Variants in IL12RB1 observed in about 807,000 individuals in gnomAD.
IL12RB1 encodes the protein interleukin 12 receptor subunit beta 1, also known as interleukin-12 receptor subunit beta-1.
IL12RB1 carries 64 observed loss-of-function variants against 94.4 expected under a neutral mutation model. The observed-to-expected ratio is 0.68, with a 90% CI of 0.55 to 0.83. The LOEUF is 0.83. IL12RB1 is among the 40% of genes least tolerant of loss of function. IL12RB1 has a pLI of 0.00. For missense variants in IL12RB1, 814 were observed against 855.6 expected, an observed-to-expected ratio of 0.95 and a Z score of 0.61; for synonymous variants, 362 against 355.5, an observed-to-expected ratio of 1.02 and a Z score of -0.21.
At chr19:18,076,123 C>A (rs17879704) in intron 6 of IL12RB1, among the ~76,000 whole-genome samples, 174 bp downstream of exon 6, 1 of 152,100 alleles carries the variant, frequency 6.6e-6, no homozygotes, top group Non-Finnish European at 1.5e-5. Context: ...CTTCTCACCC[C>A]CTCCAAGTCG....
intron 1 of IL12RB1, among the ~76,000 whole-genome samples, chr19:18,086,041 C>T (rs950153943): frequency 1.2e-4 from 18 of 152,006 alleles, no homozygotes; most frequent in African/African-American, 3.4e-4. Flanking sequence ...CACAGCGAGA[C>T]GCTGTCTCTG....
chr19:18,069,802 T>G, intron 9 of IL12RB1, 89 bp from the exon 10 acceptor site: 1 of 960,310 alleles, frequency 1.0e-6, no homozygotes, highest in East Asian at 2.4e-5. Flanking sequence ...TCTCCCACCC[T>G]CTCGTCTATA....
In IL12RB1 at chr19:18,082,143, T is replaced by A. The variant is rs752183216; in HGVS notation, c.239+7A>T. On this transcript the variant is annotated splice_region_variant and intron_variant, in intron 3 of 16. Transcript: ENST00000593993. ...TGAGGGTTTGGGAATGGTAGAGGGG[T>A]CCTCACCAACACCGCAGGAAGTGGC... 31 of 1,552,392 alleles carry A rather than the reference T, an allele frequency of 2.0e-5. No individual in the cohort carries two copies. The South Asian group carries it at 3.5e-4, about 17-fold the overall frequency.
chr19:18,059,794 G>C, intron 16 of IL12RB1, 100 bp downstream of exon 16: 1 of 750,128 alleles, frequency 1.3e-6, no homozygotes, highest in Non-Finnish European at 2.4e-6. Context: ...TCTCCCTCAG[G>C]CCTCCAGGCC....
Position 18,059,453 on chromosome 19 carries a change from G to GC in IL12RB1, c.*154_*155insG, listed in dbSNP as rs2033961534. On this transcript the variant is annotated 3_prime_UTR_variant, in exon 17 of 17. Transcript: ENST00000593993. Reference sequence around the variant, plus strand: ...CTTCCATTTCATGGCAGCATCTAGGGTTCCCCCGCAGGATGGGTGGCAACA... The same window carrying GC: ...CTTCCATTTCATGGCAGCATCTAGGGCTTCCCCCGCAGGATGGGTGGCAACA... 3 of 644,048 alleles carry GC rather than the reference G, an allele frequency of 4.7e-6. No individual in the cohort carries two copies. The highest frequency in any genetic ancestry group is 8.5e-6 in the Non-Finnish European group (3 of 352,556). The allele number at this position is 644,048 out of a possible 1,614,324, so 39.9% of individuals were successfully genotyped here.
rs376271 is a variant in IL12RB1, at chr19:18,068,474, G to A, written c.1242C>T (p.Tyr414=). 1,637 of 1,611,914 alleles carry A rather than the reference G, an allele frequency of 1.0e-3. 17 individuals carry two copies. In the African/African-American group the frequency reaches 0.019, roughly 18 times the overall value. Residue 414 remains tyrosine, a synonymous_variant, in exon 11 of 17, where the codon TAC becomes TAT. Transcript: ENST00000593993. ...GCGCAGAGGCAAAGATGGTAATGTA[G>A]TAACACTTTTCCTGCCCCATTGCCC... ...ESGAMGQEKC[Y]YITIFASAHP... is the part of the protein sequence containing the mutation.
chr19:18,067,326 G>GAAAAAAAAAAA (rs57327846), intron 11 of IL12RB1, among the ~76,000 whole-genome samples: 1 of 82,594 alleles, frequency 1.2e-5, no homozygotes, highest in African/African-American at 4.3e-5. Context: ...TCTGTCTCAA[G>GAAAAAAAAAAA]AAAAAAAAAA....
chr19:18,071,373 A>G, intron 9 of IL12RB1: 1 of 1,003,350 alleles, frequency 1.0e-6, no homozygotes, highest in South Asian at 1.3e-5. Flanking sequence ...TTAAATAAAC[A>G]CAGGGTCAAC....
In IL12RB1 at chr19:18,073,623, AGAC is replaced by A. The variant is rs776307143; in HGVS notation, c.701-27_701-25del. The A allele has an allele frequency of 3.5e-6, 5 of 1,413,140 alleles. No individual in the cohort carries two copies. The South Asian group carries it at 5.8e-5, about 16-fold the overall frequency. The allele number at this position is 1,413,140 out of a possible 1,614,324, so 87.5% of individuals were successfully genotyped here. ...TTCTGCAATCAGAACCAAACCAACTAGACGAATTGGAAGGAGAGAAAGACTGAT... is the reference window on the plus strand; with the variant it reads ...TTCTGCAATCAGAACCAAACCAACTAGAATTGGAAGGAGAGAAAGACTGAT... On this transcript the variant is annotated intron_variant, in intron 7 of 16. Transcript: ENST00000593993.
upstream of IL12RB1, chr19:18,090,505 A>G (rs1375531291): frequency 1.3e-5 from 2 of 152,176 alleles, no homozygotes; most frequent in East Asian, 3.9e-4. Flanking sequence ...CACTCAGACC[A>G]CCTGAGGCCC....
chr19:18,086,632 T>C (rs575601374), intron 1 of IL12RB1, 128 bp downstream of exon 1: 7 of 846,628 alleles, frequency 8.3e-6, no homozygotes, highest in Non-Finnish European at 1.3e-5. Flanking sequence ...CCATCTCCCA[T>C]TTGACAGCAG....
chr19:18,061,790 G>A (rs1295730457), intron 14 of IL12RB1, among the ~76,000 whole-genome samples: 1 of 151,466 alleles, frequency 6.6e-6, no homozygotes, highest in Non-Finnish European at 1.5e-5. Flanking sequence ...TTGAACCCGG[G>A]AGGGGGAGGT....
chr19:18,090,010 G>A (rs1261847956), upstream of IL12RB1, among the ~76,000 whole-genome samples: 5 of 152,360 alleles, frequency 3.3e-5, no homozygotes, highest in East Asian at 3.9e-4. Context: ...GGGGATGGAT[G>A]TGTGAGGCCT....
intron 2 of IL12RB1, chr19:18,083,131 G>A: frequency 1.8e-6 from 1 of 549,454 alleles, no homozygotes; most frequent in Non-Finnish European, 3.3e-6. Flanking sequence ...CAGGTTGGGG[G>A]GGGGGCTTCA....
upstream of IL12RB1, chr19:18,087,111 G>A: frequency 1.9e-6 from 1 of 533,834 alleles, no homozygotes; most frequent in Non-Finnish European, 3.3e-6. Context: ...TGCCCTGCTG[G>A]CCCCAGACCT....
Position 18,074,845 on chromosome 19 carries a change from A to T in IL12RB1, c.700+904T>A, listed in dbSNP as rs543409309. 1.9e-4 allele frequency among the ~76,000 whole-genome samples: 29 copies of T among 152,066 alleles called. No individual in the cohort carries two copies. The South Asian group carries it at 6.0e-3, about 32-fold the overall frequency. On this transcript the variant is annotated intron_variant, in intron 7 of 16. Coordinates refer to ENST00000593993, the MANE Select transcript of IL12RB1 (RefSeq NM_005535.3). ...GGAGGGCAGATCACGAGGTCAGGAGATTGAGACCATCCTGGCTAACATGGT... is the reference window on the plus strand; with the variant it reads ...GGAGGGCAGATCACGAGGTCAGGAGTTTGAGACCATCCTGGCTAACATGGT...
rs1287388059 is a variant in IL12RB1 at position 18,066,655 on chromosome 19, T to C, written c.1370A>G (p.His457Arg). The C allele has an allele frequency of 7.4e-6, 12 of 1,610,906 alleles. No individual in the cohort carries two copies. Among genetic ancestry groups the C allele is most frequent in the Non-Finnish European group, 1.0e-5 (12 of 1,177,462 alleles). ...GTCCACAGACACAGAGTCCAAGCTA[T>C]GATTCTTCACCGAGACGTGGTGCGG... Reference protein sequence around the residue: ...GTPHHVSVKNHSLDSVSVDWA... With the variant: ...GTPHHVSVKNRSLDSVSVDWA... The change falls in exon 12 of 17, where the codon CAT (histidine) becomes CGT (arginine). Residue 457 changes from histidine to arginine, a missense_variant. Physicochemically the swap from His to Arg is conservative, Grantham distance 29. Coordinates refer to ENST00000593993, the MANE Select transcript of IL12RB1 (RefSeq NM_005535.3).
chr19:18,091,570 T>G (rs1278072248), upstream of IL12RB1: 3 of 152,180 alleles, frequency 2.0e-5, no homozygotes, highest in Non-Finnish European at 4.4e-5. Context: ...GAAGGATGCA[T>G]AGGAGTTAGC....
intron 14 of IL12RB1, 138 bp from the exon 15 acceptor site, chr19:18,061,335 A>G: frequency 1.8e-6 from 1 of 571,028 alleles, no homozygotes; most frequent in Non-Finnish European, 3.2e-6. Flanking sequence ...GGTTCAATCG[A>G]TTCTCCTGAC....
Sources: allele counts gnomAD v4.1 joint callset (sites outside exome capture counted in the v4.1 genomes callset), GRCh38; gene constraint gnomAD v4.1.1; transcripts MANE v1.5; gene names NCBI Gene and HGNC (gene_info 2026-07-23, HGNC 2026-07-21).